Variants in ABR observed in about 807,000 individuals in gnomAD.
ABR encodes ABR activator of RhoGEF and GTPase, also known as active breakpoint cluster region-related protein.
ABR carries 35 observed loss-of-function variants against 107.2 expected under a neutral mutation model. The ratio of observed to expected loss-of-function variants is 0.33; its 90% CI spans 0.25 to 0.43. The LOEUF is 0.43. Among genes scored for constraint, ABR ranks in the 20% least tolerant of loss-of-function variants. ABR has a pLI of 1.00. For missense variants in ABR, 815 were observed against 1,115.2 expected, an observed-to-expected ratio of 0.73 and a Z score of 3.83; for synonymous variants, 498 against 462.0, an observed-to-expected ratio of 1.08 and a Z score of -1.00.
chr17:1,162,484 T>A (rs1419740509), intron 1 of ABR, among the ~76,000 whole-genome samples: 3 of 152,206 alleles, frequency 2.0e-5, no homozygotes, highest in Non-Finnish European at 2.9e-5. Flanking sequence ...AGCTCCCCAC[T>A]GTGGGCCACC....
intron 1 of ABR, among the ~76,000 whole-genome samples, chr17:1,198,912 C>G (rs1433526195): frequency 6.7e-6 from 1 of 148,606 alleles, no homozygotes; most frequent in South Asian, 2.1e-4. Context: ...GGATTACAGG[C>G]GTGAGCTACC....
chr17:1,091,850 G>T lies in ABR; in HGVS notation c.346C>A (p.Pro116Thr). The T allele has an allele frequency of 1.2e-6, 2 of 1,612,260 alleles. No individual in the cohort carries two copies. The highest frequency in any genetic ancestry group is 1.7e-6 in the Non-Finnish European group (2 of 1,179,050). The change falls in exon 4 of 23, where the codon CCC becomes ACC. Residue 116 changes from proline (P) to threonine (T), a missense_variant and splice_region_variant. Around this residue, in one of 5 missense-constraint regions of ABR, gnomAD observed 385 missense variants for 596.9 expected, o/e 0.64. Coordinates refer to ENST00000302538, the MANE Select transcript of ABR (RefSeq NM_021962.5). ...GCGGTGGCCTTCAGGGGTTTCATGG[G>T]CTGGGAGAAACAGAGGAAGAAAGAG... ...YINQLEALLLPMKPLKATATT... is the reference protein window; with the variant it reads ...YINQLEALLLTMKPLKATATT...
intron 16 of ABR, among the ~76,000 whole-genome samples, chr17:1,018,593 G>A (rs2071385226): frequency 6.6e-6 from 1 of 152,166 alleles, no homozygotes; most frequent in East Asian, 1.9e-4. Flanking sequence ...GGGGGACCTG[G>A]ACACAACCTG....
intron 1 of ABR, among the ~76,000 whole-genome samples, chr17:1,196,973 C>G (rs887564000): frequency 6.6e-6 from 1 of 151,762 alleles, no homozygotes; most frequent in Non-Finnish European, 1.5e-5. Context: ...GGATGACAGG[C>G]GTGAGCCACC....
intron 1 of ABR, among the ~76,000 whole-genome samples, chr17:1,213,275 T>C (rs2042937268): frequency 6.6e-6 from 1 of 152,170 alleles, no homozygotes. Context: ...CTAAAGACCA[T>C]GATTTGAGAC....
intron 10 of ABR, among the ~76,000 whole-genome samples, chr17:1,065,116 G>A (rs2034564743): frequency 4.2e-5 from 3 of 71,272 alleles, no homozygotes; most frequent in African/African-American, 1.7e-4. Flanking sequence ...TGAACTGAGG[G>A]CTATGCATGT....
At chr17:1,039,264 G>A (rs1212113145) in intron 16 of ABR, among the ~76,000 whole-genome samples, 2 of 152,280 alleles carry the variant, frequency 1.3e-5, no homozygotes, top group Non-Finnish European at 1.5e-5. Context: ...TCCCAGGGGT[G>A]GAGGGGAGCG....
Position 1,078,278 on chromosome 17 carries a change from C to T in ABR, c.700+1052G>A, listed in dbSNP as rs76628333. Among the ~76,000 whole-genome samples, 353 of 152,300 alleles carry T rather than the reference C, an allele frequency of 2.3e-3. 6 individuals carry two copies. In the East Asian group the frequency reaches 0.052, roughly 22 times the overall value. On this transcript the variant is annotated intron_variant, in intron 6 of 22. Coordinates refer to ENST00000302538, the MANE Select transcript of ABR (RefSeq NM_021962.5). This position sits in a 1 kb window ranked among gnomAD's most constrained non-coding sequence, Gnocchi z 7.5. ...GCTCCCACAGCCCCTCCGTGTCCTCCGCCTACTGCTGCATGTGCGCGGAGC... is the reference window on the plus strand; with the variant it reads ...GCTCCCACAGCCCCTCCGTGTCCTCTGCCTACTGCTGCATGTGCGCGGAGC...
At chr17:1,067,374 C>T in intron 9 of ABR, 132 bp from the exon 10 acceptor site, 1 of 869,846 alleles carries the variant, frequency 1.1e-6, no homozygotes, top group South Asian at 1.8e-5. Flanking sequence ...ACGATCCCTG[C>T]TCCTGAGGAG....
intron 2 of ABR, 43 bp downstream of exon 2, chr17:1,125,140 G>A (rs750207605): frequency 8.5e-5 from 129 of 1,523,444 alleles, no homozygotes; most frequent in South Asian, 2.1e-4. Flanking sequence ...AGGCCTTCCC[G>A]TCACCCCTCC....
intron 1 of ABR, among the ~76,000 whole-genome samples, chr17:1,172,516 C>T (rs760958774): frequency 9.2e-5 from 14 of 152,178 alleles, no homozygotes; most frequent in Non-Finnish European, 1.8e-4. Context: ...TTTGGGAGGC[C>T]GAGATGGGTG....
At position 1,100,838 on chromosome 17, in the gene ABR, T is replaced by C. The variant is rs571177089; in HGVS notation, c.247-103A>G. 28 of 1,157,670 alleles carry C rather than the reference T, an allele frequency of 2.4e-5. 1 individual carries two copies. The South Asian group carries it at 3.6e-4, about 15-fold the overall frequency. 71.7% of individuals were successfully genotyped at this position (1,157,670 alleles called of 1,614,324 possible). On this transcript the variant is annotated intron_variant, in intron 2 of 22. Transcript: ENST00000302538. ...CCTTCCCCCCCGACCTTTATTTTTT[T>C]TTTGAGACGAAGTCTCGCTCTGTCA...
chr17:1,164,482 A>G (rs1411406706), intron 1 of ABR, among the ~76,000 whole-genome samples: 1 of 151,110 alleles, frequency 6.6e-6, no homozygotes, highest in East Asian at 1.9e-4. Context: ...TGTCACACAC[A>G]GCACTGAATC....
At chr17:1,067,290 T>C (rs746323074) in intron 9 of ABR, 48 bp from the exon 10 acceptor site, 44 of 1,511,894 alleles carry the variant, frequency 2.9e-5, no homozygotes, top group Admixed American at 4.5e-5. Context: ...GCCTGGCTCT[T>C]CCAGCCTCAA....
intron 3 of ABR, among the ~76,000 whole-genome samples, chr17:1,095,485 G>A (rs1220481139): frequency 6.6e-6 from 1 of 152,178 alleles, no homozygotes; most frequent in Non-Finnish European, 1.5e-5. Flanking sequence ...TGGGCTCAGG[G>A]GCAGGAGGGT....
intron 4 of ABR, among the ~76,000 whole-genome samples, chr17:1,088,429 C>T (rs1411074891): frequency 6.6e-6 from 1 of 150,550 alleles, no homozygotes; most frequent in African/African-American, 2.5e-5. Context: ...GGAAGGATAC[C>T]TTCCAGGGTG....
At chr17:1,145,045 GA>G (rs1324882467) in intron 1 of ABR, among the ~76,000 whole-genome samples, 3 of 151,944 alleles carry the variant, frequency 2.0e-5, no homozygotes, top group Admixed American at 1.3e-4. Flanking sequence ...AAAAATAAAG[GA>G]AAAAAAGAAA....
chr17:1,014,091 A>C (rs1308013239), intron 16 of ABR, among the ~76,000 whole-genome samples: 1 of 152,220 alleles, frequency 6.6e-6, no homozygotes, highest in Non-Finnish European at 1.5e-5. Context: ...ATTCCTTCTC[A>C]TGGATTCAGT....
chr17:1,033,318 G>A (rs2072946101), intron 16 of ABR, among the ~76,000 whole-genome samples: 1 of 152,202 alleles, frequency 6.6e-6, no homozygotes, highest in Non-Finnish European at 1.5e-5. Context: ...TTCGTGGAAG[G>A]CTGGCAGGGA....
Sources: gnomAD v4.1 joint callset for allele counts (sites outside exome capture counted in the v4.1 genomes callset) on GRCh38, gnomAD v4.1.1 for gene constraint, gnomAD v4.1.1 regional missense constraint, Gnocchi (gnomAD v3.1) non-coding constraint, MANE v1.5 for transcripts, NCBI Gene and HGNC (gene_info 2026-07-23, HGNC 2026-07-21) for gene names.